WASHC3: variants seen among roughly 807,000 people sequenced by gnomAD.
The protein encoded by WASHC3 is WASH complex subunit 3.
Under a neutral mutation model 26.1 loss-of-function variants are expected in WASHC3, and 24 were observed. That is an observed-to-expected ratio of 0.92 (90% CI 0.66 to 1.29). WASHC3 has a LOEUF of 1.29. Ranked by LOEUF, WASHC3 falls within the 50% of genes most tolerant of loss-of-function variation. The pLI is 0.00. For missense variants in WASHC3, 214 were observed against 229.6 expected, an observed-to-expected ratio of 0.93 and a Z score of 0.44; for synonymous variants, 77 against 75.7, an observed-to-expected ratio of 1.02 and a Z score of -0.09.
At chr12:102,055,002 A>G (rs993764436) in intron 2 of WASHC3, among the ~76,000 whole-genome samples, 11 of 152,190 alleles carry the variant, frequency 7.2e-5, no homozygotes, top group Non-Finnish European at 1.6e-4. Flanking sequence ...CAACTGAAGG[A>G]ATAGAAGAAC....
rs79349448 is a variant in WASHC3 at position 102,042,394 on chromosome 12, G to A, written c.324+1711C>T. 6.2e-3 allele frequency among the ~76,000 whole-genome samples: 940 copies of A among 151,966 alleles called. 22 individuals are homozygous for A. Among genetic ancestry groups the A allele is most frequent in the Admixed American group, 0.037 (572 of 15,258 alleles). On this transcript the variant is annotated intron_variant, in intron 4 of 6. Coordinates refer to ENST00000240079, the MANE Select transcript of WASHC3 (RefSeq NM_016053.4). ...CTCTTTCTACAGGGCCTCATACCAC[G>A]CATCCTCAATATGTTTAAATAAATT...
intron 6 of WASHC3, among the ~76,000 whole-genome samples, chr12:102,014,588 A>G (rs1265606204): frequency 6.6e-6 from 1 of 152,228 alleles, no homozygotes; most frequent in Non-Finnish European, 1.5e-5. Context: ...CAAAAGAGAA[A>G]ATAATGCTGG....
At chr12:102,017,701 T>A (rs1441657789) in intron 6 of WASHC3, 5 of 363,968 alleles carry the variant, frequency 1.4e-5, no homozygotes, top group Non-Finnish European at 2.6e-5. Flanking sequence ...ACAGCAGCTG[T>A]ACCATTTTAC....
At chr12:102,016,755 T>A (rs1039489146) in intron 6 of WASHC3, among the ~76,000 whole-genome samples, 7 of 152,092 alleles carry the variant, frequency 4.6e-5, no homozygotes, top group African/African-American at 1.4e-4. Flanking sequence ...GTTTAAGAAG[T>A]CAAAATAAAA....
chr12:102,032,895 A>T (rs930044562), intron 5 of WASHC3, among the ~76,000 whole-genome samples: 4 of 152,292 alleles, frequency 2.6e-5, no homozygotes, highest in East Asian at 1.9e-4. Context: ...TCATTGTTTT[A>T]TCTCTCAGAG....
chr12:102,057,248 G>A (rs1330069634), intron 2 of WASHC3, among the ~76,000 whole-genome samples: 1 of 152,020 alleles, frequency 6.6e-6, no homozygotes, highest in African/African-American at 2.4e-5. Flanking sequence ...AACAAATTAG[G>A]TATAGAAAGA....
chr12:102,028,366 C>CA (rs927736365), intron 5 of WASHC3, among the ~76,000 whole-genome samples: 4 of 151,796 alleles, frequency 2.6e-5, no homozygotes, highest in Non-Finnish European at 5.9e-5. Context: ...AAACATTCCA[C>CA]AAAAAAATAT....
intron 5 of WASHC3, among the ~76,000 whole-genome samples, chr12:102,028,707 A>G (rs1453732139): frequency 1.3e-5 from 2 of 151,778 alleles, no homozygotes; most frequent in Non-Finnish European, 2.9e-5. Context: ...GTAGAATTAG[A>G]TAAGCCCTCT....
upstream of WASHC3, chr12:102,062,124 C>T (rs1228677978): frequency 1.0e-5 from 6 of 592,754 alleles, no homozygotes; most frequent in African/African-American, 5.7e-5. Flanking sequence ...CGGCGGCTTC[C>T]GGAGAGCCCG....
At chr12:102,051,032 T>A (rs575675341) in intron 2 of WASHC3, among the ~76,000 whole-genome samples, 21 of 152,370 alleles carry the variant, frequency 1.4e-4, no homozygotes, top group African/African-American at 4.1e-4. Context: ...AGAAAGTTTT[T>A]GCAAAGTTGA....
intron 2 of WASHC3, among the ~76,000 whole-genome samples, chr12:102,053,596 T>TA (rs1487068739): frequency 6.6e-6 from 1 of 152,232 alleles, no homozygotes; most frequent in Non-Finnish European, 1.5e-5. Context: ...AAATCACCAG[T>TA]AACTGACCCT....
upstream of WASHC3, chr12:102,062,014 G>C: frequency 1.3e-6 from 2 of 1,487,342 alleles, no homozygotes; most frequent in Non-Finnish European, 1.8e-6. Flanking sequence ...CTCCCAGATG[G>C]GGCCCGCCCA....
chr12:102,028,888 C>T (rs919511940), intron 5 of WASHC3, among the ~76,000 whole-genome samples: 9 of 151,660 alleles, frequency 5.9e-5, no homozygotes, highest in African/African-American at 2.2e-4. Flanking sequence ...AAATTTGAAC[C>T]TTAGTTTCTG....
rs1410098193 is a variant in WASHC3, at chr12:102,013,083, T to C, written c.*25A>G. On this transcript the variant is annotated 3_prime_UTR_variant, in exon 7 of 7. Coordinates refer to ENST00000240079, the MANE Select transcript of WASHC3 (RefSeq NM_016053.4). ...ATGTAAATGTACCCCTATGCATGCA[T>C]ATGTAATTCTTATCAAAATTAAGCT... 2 of 1,007,394 alleles carry C rather than the reference T, an allele frequency of 2.0e-6. No homozygotes were observed. Among genetic ancestry groups the C allele is most frequent in the Non-Finnish European group, 3.0e-6 (2 of 656,494 alleles). 62.4% of individuals were successfully genotyped at this position (1,007,394 alleles called of 1,614,324 possible).
At chr12:102,061,837 G>A in intron 1 of WASHC3, 75 bp downstream of exon 1, 1 of 1,320,198 alleles carries the variant, frequency 7.6e-7, no homozygotes, top group Non-Finnish European at 1.1e-6. Flanking sequence ...CGGAAGGTGG[G>A]TGTCTCCCCG....
chr12:102,035,194 T>C (rs1877604740), intron 5 of WASHC3, among the ~76,000 whole-genome samples: 1 of 152,156 alleles, frequency 6.6e-6, no homozygotes, highest in African/African-American at 2.4e-5. Flanking sequence ...ATTTTGCCTA[T>C]ATTAGAATAC....
intron 2 of WASHC3, among the ~76,000 whole-genome samples, chr12:102,046,777 A>G (rs1878185303): frequency 6.6e-6 from 1 of 152,202 alleles, no homozygotes; most frequent in Non-Finnish European, 1.5e-5. Flanking sequence ...GAGCTTAATA[A>G]TTATTTGTTG....
intron 3 of WASHC3, 92 bp from the exon 4 acceptor site, chr12:102,044,304 C>T (rs1878066097): frequency 8.3e-6 from 4 of 480,426 alleles, no homozygotes; most frequent in East Asian, 7.3e-5. Context: ...TAAGGCTATA[C>T]AAATAGGTTC....
chr12:102,029,305 AT>A (rs59402410), intron 5 of WASHC3, among the ~76,000 whole-genome samples: 35 of 152,174 alleles, frequency 2.3e-4, no homozygotes, highest in Middle Eastern at 3.4e-3. Context: ...GAACTGTGGG[AT>A]TTTTTTTGGC....
Sources: gnomAD v4.1 joint callset for allele counts (sites outside exome capture counted in the v4.1 genomes callset) on GRCh38, gnomAD v4.1.1 for gene constraint, MANE v1.5 for transcripts, NCBI Gene and HGNC (gene_info 2026-07-23, HGNC 2026-07-21) for gene names.